The following HECW1 variants were observed in gnomAD, a reference collection of about 807,000 sequenced individuals.
The protein encoded by HECW1 is HECT, C2 and WW domain containing E3 ubiquitin protein ligase 1.
HECW1 carries 61 observed loss-of-function variants against 182.3 expected under a neutral mutation model. That is an observed-to-expected ratio of 0.33 (90% CI 0.27 to 0.41). HECW1 has a LOEUF of 0.41. HECW1 is among the 10% of genes least tolerant of loss of function. The pLI is 1.00. For missense variants in HECW1, 1,739 were observed against 2,108.9 expected, an observed-to-expected ratio of 0.82 and a Z score of 3.44; for synonymous variants, 859 against 832.6, an observed-to-expected ratio of 1.03 and a Z score of -0.55.
At chr7:43,312,115 T>G in intron 4 of HECW1, 28 bp downstream of exon 4, 3 of 1,557,156 alleles carry the variant, frequency 1.9e-6, no homozygotes, top group Non-Finnish European at 2.7e-6. Flanking sequence ...AGTGTATTAT[T>G]CATAATTCAC....
chr7:43,208,098 C>T (rs577069325), intron 2 of HECW1, among the ~76,000 whole-genome samples: 1 of 152,224 alleles, frequency 6.6e-6, no homozygotes, highest in Non-Finnish European at 1.5e-5. Context: ...TTCTGGAGCT[C>T]CTGTTAACAG....
intron 3 of HECW1, among the ~76,000 whole-genome samples, chr7:43,308,246 A>ATATTTATATATTATATGATATATT (rs57632050): frequency 5.5e-5 from 4 of 72,102 alleles, no homozygotes; most frequent in African/African-American, 2.1e-4. Flanking sequence ...AATATATAAT[A>ATATTTATATATTATATGATATATT]TATATATATT....
chr7:43,472,686 C>T (rs1362805954), intron 16 of HECW1, among the ~76,000 whole-genome samples: 2 of 151,996 alleles, frequency 1.3e-5, no homozygotes, highest in African/African-American at 2.4e-5. Context: ...CACTAAATTA[C>T]AGTAAAGGTA....
intron 2 of HECW1, among the ~76,000 whole-genome samples, chr7:43,224,776 C>T (rs1445147062): frequency 6.6e-6 from 1 of 152,200 alleles, no homozygotes; most frequent in Non-Finnish European, 1.5e-5. Context: ...GATTGCACCA[C>T]TGCCTGGATG....
intron 2 of HECW1, among the ~76,000 whole-genome samples, chr7:43,189,631 A>T (rs996978587): frequency 6.6e-6 from 1 of 152,194 alleles, no homozygotes; most frequent in Admixed American, 6.5e-5. Context: ...CCTTATTATG[A>T]AAAATAAATA....
chr7:43,371,913 T>C (rs1373028779), intron 6 of HECW1, among the ~76,000 whole-genome samples: 1 of 152,092 alleles, frequency 6.6e-6, no homozygotes, highest in Non-Finnish European at 1.5e-5. Flanking sequence ...TCCTCCTCCC[T>C]GGTTCAAGTG....
chr7:43,452,714 A>G (rs997709792), intron 12 of HECW1, among the ~76,000 whole-genome samples: 3 of 152,254 alleles, frequency 2.0e-5, no homozygotes, highest in African/African-American at 7.2e-5. Flanking sequence ...AGGAGATGCT[A>G]TGGAAAAGCA....
In HECW1 at chr7:43,247,932, AAAG is replaced by A. The variant is rs768221513; in HGVS notation, c.27+4002_27+4004del. Reference sequence around the variant, plus strand: ...AGGAGGGAGGAAGGGAAAGAGGAAAAAAGAGAGAGAAAAAAGGAGGGAAGGAAA... The same window carrying A: ...AGGAGGGAGGAAGGGAAAGAGGAAAAAGAGAGAAAAAAGGAGGGAAGGAAA... On this transcript the variant is annotated intron_variant, in intron 3 of 29. Coordinates refer to ENST00000395891, the MANE Select transcript of HECW1 (RefSeq NM_015052.5). 3.8e-3 allele frequency among the ~76,000 whole-genome samples: 444 copies of A among 117,170 alleles called. 3 individuals carry two copies. The highest frequency in any genetic ancestry group is 6.3e-3 in the Non-Finnish European group (384 of 60,984). The allele number at this position is 117,170 out of a possible 152,430, so 76.9% of individuals were successfully genotyped here. A position where few individuals can be genotyped will look rare whatever the true frequency, so the allele number is the denominator to read the frequency against.
At chr7:43,369,399 G>A (rs762583239) in intron 6 of HECW1, among the ~76,000 whole-genome samples, 7 of 152,154 alleles carry the variant, frequency 4.6e-5, no homozygotes, top group African/African-American at 9.6e-5. Flanking sequence ...CGGAGGTTAC[G>A]GTGAGCCAAG....
At chr7:43,524,185 G>A (rs1385796715) in intron 24 of HECW1, among the ~76,000 whole-genome samples, 2 of 152,150 alleles carry the variant, frequency 1.3e-5, no homozygotes, top group Non-Finnish European at 2.9e-5. Context: ...CACCACCTTT[G>A]AGAAATTTTG....
At chr7:43,366,262 C>G (rs980199664) in intron 6 of HECW1, among the ~76,000 whole-genome samples, 10 of 152,106 alleles carry the variant, frequency 6.6e-5, no homozygotes, top group African/African-American at 2.4e-4. Flanking sequence ...CCAATATAGG[C>G]TAAATTAGCA....
chr7:43,511,346 A>G (rs1019830411), intron 24 of HECW1: 1 of 152,236 alleles, frequency 6.6e-6, no homozygotes, highest in Non-Finnish European at 1.5e-5. Context: ...ATTTTCTTCA[A>G]CGCCACTCTT....
At chr7:43,498,460 C>G (rs189964619) in intron 19 of HECW1, among the ~76,000 whole-genome samples, 1 of 152,194 alleles carries the variant, frequency 6.6e-6, no homozygotes, top group Non-Finnish European at 1.5e-5. Flanking sequence ...TTCATAAGGC[C>G]AAAATCATTA....
rs750294139 is a variant in HECW1 at position 43,456,376 on chromosome 7, G to A, written c.2580G>A (p.Pro860=). The part of the protein sequence containing the change: ...HVNRTTTWQR[P]TAAATPDGMR... The stretch of plus-strand genomic sequence containing the variant: ...ACCGCACAACCACCTGGCAGCGTCC[G>A]ACGGCAGCAGCCACCCCGGATGGCA... The change falls in exon 13 of 30, where the codon CCG becomes CCA. Residue 860 remains proline, a synonymous_variant. Coordinates refer to ENST00000395891, the MANE Select transcript of HECW1 (RefSeq NM_015052.5). 13 of 1,613,966 alleles carry A rather than the reference G, an allele frequency of 8.1e-6. No homozygotes were observed. In the East Asian group the frequency reaches 1.1e-4, roughly 14 times the overall value.
chr7:43,352,949 AGGTGG>A (rs1814646692), intron 5 of HECW1, among the ~76,000 whole-genome samples: 1 of 152,110 alleles, frequency 6.6e-6, no homozygotes, highest in Admixed American at 6.5e-5. Context: ...CAGTGTAGGA[AGGTGG>A]GGGGGCAGGG....
chr7:43,131,205 C>T (rs574912203), intron 2 of HECW1, among the ~76,000 whole-genome samples: 3 of 152,236 alleles, frequency 2.0e-5, no homozygotes, highest in East Asian at 1.9e-4. Flanking sequence ...GCAGAGGTTG[C>T]GGTGAGCCGA....
chr7:43,547,698 T>C (rs1276835601), intron 26 of HECW1, among the ~76,000 whole-genome samples: 4 of 152,262 alleles, frequency 2.6e-5, no homozygotes, highest in African/African-American at 9.6e-5. Flanking sequence ...GATTCATTTA[T>C]TTTGAAAAGA....
At chr7:43,455,730 C>T (rs1474456905) in intron 12 of HECW1, among the ~76,000 whole-genome samples, 1 of 152,162 alleles carries the variant, frequency 6.6e-6, no homozygotes, top group Admixed American at 6.5e-5. Context: ...ATGACCCGTG[C>T]CTGTAATCTC....
intron 3 of HECW1, among the ~76,000 whole-genome samples, chr7:43,267,517 CT>C (rs529546769): frequency 2.8e-3 from 423 of 151,634 alleles, no homozygotes; most frequent in African/African-American, 9.5e-3. Flanking sequence ...AAGAAAATAA[CT>C]GTGTTCAAGT....
Sources: allele counts gnomAD v4.1 joint callset (sites outside exome capture counted in the v4.1 genomes callset), GRCh38; gene constraint gnomAD v4.1.1; transcripts MANE v1.5; gene names NCBI Gene and HGNC (gene_info 2026-07-23, HGNC 2026-07-21).